DNAH8: variants seen among roughly 807,000 people sequenced by gnomAD.
DNAH8 encodes the protein dynein axonemal heavy chain 8, also known as axonemal beta dynein heavy chain 8.
Under a neutral mutation model 562.1 loss-of-function variants are expected in DNAH8, and 382 were observed. The observed-to-expected ratio is 0.68, with a 90% CI of 0.63 to 0.74. The LOEUF (loss-of-function observed/expected upper bound fraction) is 0.74. Ranked by LOEUF, DNAH8 falls within the 30% of genes least tolerant of loss-of-function variation. The pLI, the probability that DNAH8 is intolerant of heterozygous loss-of-function variation, is 0.00. For missense variants in DNAH8, 5,203 were observed against 5,620.4 expected (o/e 0.93, Z 2.37); for synonymous variants, 1,881 against 1,919.4 (o/e 0.98, Z 0.52).
chr6:38,828,923 T>C (rs1773597343), intron 30 of DNAH8, among the ~76,000 whole-genome samples: 1 of 152,178 alleles, frequency 6.6e-6, no homozygotes, highest in South Asian at 2.1e-4. Context: ...CAACCACTAA[T>C]CTACTTTCTG....
At chr6:38,925,324 ATTTTATTTTATTTTATT>A (rs936045388) in intron 73 of DNAH8, among the ~76,000 whole-genome samples, 4 of 125,818 alleles carry the variant, frequency 3.2e-5, no homozygotes, top group Non-Finnish European at 6.7e-5. Context: ...ATTTTATTTT[ATTTTATTTTATTTTATT>A]TTATTTTTTT....
At chr6:38,715,681 G>T (rs1379351981) in intron 1 of DNAH8, among the ~76,000 whole-genome samples, 2 of 151,092 alleles carry the variant, frequency 1.3e-5, no homozygotes, top group East Asian at 3.9e-4. Context: ...AATACCGCAC[G>T]TTCTCACCTA....
intron 81 of DNAH8, 117 bp downstream of exon 81, chr6:38,949,687 C>T (rs554067131): frequency 1.4e-4 from 91 of 655,760 alleles, no homozygotes; most frequent in South Asian, 9.6e-4. Context: ...CGGCAAAAAC[C>T]GCAATTACTT....
At chr6:38,912,564 T>C (rs993736169) in intron 66 of DNAH8, among the ~76,000 whole-genome samples, 3 of 152,194 alleles carry the variant, frequency 2.0e-5, no homozygotes, top group African/African-American at 4.8e-5. Context: ...GAAGGCTTCT[T>C]CTGCGGTTTT....
At chr6:38,943,488 TTTTG>T (rs1783617397) in intron 79 of DNAH8, among the ~76,000 whole-genome samples, 4 of 152,142 alleles carry the variant, frequency 2.6e-5, no homozygotes, top group Admixed American at 2.0e-4. Context: ...GACAGGTTTT[TTTTG>T]TTTGTTTCAA....
intron 8 of DNAH8, among the ~76,000 whole-genome samples, chr6:38,745,601 G>A (rs1359461149): frequency 6.6e-6 from 1 of 152,174 alleles, no homozygotes; most frequent in Non-Finnish European, 1.5e-5. Flanking sequence ...TATTAATGAT[G>A]CTACACACAA....
intron 88 of DNAH8, among the ~76,000 whole-genome samples, chr6:38,999,913 A>G (rs910954556): frequency 1.0e-4 from 10 of 97,106 alleles, no homozygotes; most frequent in African/African-American, 4.9e-4. Flanking sequence ...GTAATAAGGC[A>G]TTTATACACA....
intron 77 of DNAH8, 112 bp downstream of exon 77, chr6:38,935,809 T>C (rs989616856): frequency 2.7e-6 from 2 of 741,290 alleles, no homozygotes; most frequent in Non-Finnish European, 4.1e-6. Flanking sequence ...ATGTTATCAA[T>C]GCAAAAACAA....
Position 38,834,669 on chromosome 6 carries a change from G to A in DNAH8, c.4365+28G>A, listed in dbSNP as rs372922505. On this transcript the variant is annotated intron_variant, in intron 32 of 92. Coordinates refer to ENST00000327475, the MANE Select transcript of DNAH8 (RefSeq NM_001206927.2). ...GAAACCACATTTTTTTTGTTACATC[G>A]ACAATGTGTAATTTAAAAAATTATT... is the stretch of plus-strand genomic sequence containing the variant. 4.2e-5 allele frequency: 64 copies of A among 1,530,672 alleles called. 1 individual carries two copies. The African/African-American group carries it at 6.5e-4, about 16-fold the overall frequency. 94.8% of individuals were successfully genotyped at this position (1,530,672 alleles called of 1,614,324 possible).
At position 38,954,702 on chromosome 6, in the gene DNAH8, C is replaced by CA. The variant is rs1181312322; in HGVS notation, c.12451+3208dup. ...TGGGCGACAGAGCGAAACTCCGTCT[C>CA]AAAAAAAAAAAAAAAAAAAAAAAAA... On this transcript the variant is annotated intron_variant, in intron 82 of 92. Coordinates refer to ENST00000327475, the MANE Select transcript of DNAH8 (RefSeq NM_001206927.2). 8.6e-3 allele frequency among the ~76,000 whole-genome samples: 7 copies of CA among 810 alleles called. 1 individual carries two copies. The highest frequency in any genetic ancestry group is 0.029 in the South Asian group (1 of 34). The allele number at this position is 810 out of a possible 152,430, so 0.5% of individuals were successfully genotyped here.
At chr6:38,769,553 C>T (rs1767356932) in intron 11 of DNAH8, among the ~76,000 whole-genome samples, 1 of 152,228 alleles carries the variant, frequency 6.6e-6, no homozygotes, top group Admixed American at 6.5e-5. Context: ...CTAAGTCCCA[C>T]TTGCAGAAAT....
At chr6:38,936,405 A>G (rs1782975404) in intron 77 of DNAH8, 2 of 152,164 alleles carry the variant, frequency 1.3e-5, no homozygotes, top group South Asian at 4.1e-4. Context: ...GCAATATATA[A>G]AAAGAAAATT....
intron 21 of DNAH8, among the ~76,000 whole-genome samples, chr6:38,797,638 G>C (rs543725376): frequency 2.0e-5 from 3 of 152,066 alleles, no homozygotes; most frequent in South Asian, 2.1e-4. Flanking sequence ...CCTTTACTAC[G>C]CCGCTGCAAA....
intron 81 of DNAH8, among the ~76,000 whole-genome samples, chr6:38,950,422 A>G (rs1176822059): frequency 6.6e-6 from 1 of 150,968 alleles, no homozygotes; most frequent in Non-Finnish European, 1.5e-5. Context: ...TTGACCTCAT[A>G]GTCCGCAGAG....
intron 85 of DNAH8, among the ~76,000 whole-genome samples, chr6:38,979,388 A>G (rs570826955): frequency 1.8e-4 from 28 of 152,332 alleles, no homozygotes; most frequent in African/African-American, 6.5e-4. Context: ...AAAAATGTTA[A>G]TTAAACTGAA....
intron 45 of DNAH8, among the ~76,000 whole-genome samples, chr6:38,865,062 T>C (rs561222101): frequency 7.9e-5 from 12 of 152,318 alleles, no homozygotes; most frequent in African/African-American, 2.9e-4. Flanking sequence ...AGATTCAGTG[T>C]TGTAAAGATA....
intron 76 of DNAH8, among the ~76,000 whole-genome samples, chr6:38,934,089 A>C (rs1782762894): frequency 6.6e-6 from 1 of 152,162 alleles, no homozygotes; most frequent in Non-Finnish European, 1.5e-5. Context: ...GTGGTGGCTC[A>C]CCCCTGTATT....
At chr6:38,804,300 G>T (rs1017603835) in intron 22 of DNAH8, among the ~76,000 whole-genome samples, 1 of 152,208 alleles carries the variant, frequency 6.6e-6, no homozygotes, top group Non-Finnish European at 1.5e-5. Flanking sequence ...GCTTTGCTCA[G>T]ATTATTGTCC....
At position 38,756,001 on chromosome 6, in the gene DNAH8, G is replaced by T; in HGVS notation, c.1437G>T (p.Leu479Phe). The change falls in exon 10 of 93, where the codon TTG becomes TTT. Residue 479 changes from leucine (L) to phenylalanine (F), a missense_variant. Leu to Phe is a conservative substitution (Grantham distance 22). Transcript: ENST00000327475. ...CCATGGCACATGGAATACAAAATTT[G>T]ATTAATGCCATCAGAATGATTCACG... ...LVSMAHGIQN[L>F]INAIRMIHGV... The T allele has an allele frequency of 6.2e-7, 1 of 1,609,552 alleles. No individual in the cohort carries two copies. Among genetic ancestry groups the T allele is most frequent in the South Asian group, 1.1e-5 (1 of 90,806 alleles).
Sources: allele counts gnomAD v4.1 joint callset (sites outside exome capture counted in the v4.1 genomes callset), GRCh38; gene constraint gnomAD v4.1.1; transcripts MANE v1.5; gene names NCBI Gene and HGNC (gene_info 2026-07-23, HGNC 2026-07-21).